LAMB4: variants seen among roughly 807,000 people sequenced by gnomAD.
LAMB4 encodes the protein laminin subunit beta 4, also known as laminin subunit beta-4.
A neutral mutation model predicts 199.2 loss-of-function variants in LAMB4; 196 were observed. The observed-to-expected ratio is 0.98, with a 90% CI of 0.88 to 1.11. The LOEUF is 1.11. Ranked by LOEUF, LAMB4 falls within the 50% of genes least tolerant of loss-of-function variation. LAMB4 has a pLI of 0.00. For synonymous variants in LAMB4, 744 were observed against 770.6 expected (o/e 0.97, Z 0.57); for missense variants, 2,080 against 2,171.2 (o/e 0.96, Z 0.83).
In LAMB4 at chr7:108,085,626, T is replaced by A. The variant is rs1050612440; in HGVS notation, c.1702-5840A>T. Among the ~76,000 whole-genome samples the A allele has an allele frequency of 6.6e-5, 10 of 152,242 alleles. No homozygotes were observed. The South Asian group carries it at 1.0e-3, about 16-fold the overall frequency. On this transcript the variant is annotated intron_variant, in intron 14 of 33. Coordinates refer to ENST00000388781, the MANE Select transcript of LAMB4 (RefSeq NM_007356.3). ...TTTATTTTTATGTATTTATTTATTTTTTTTTGAGATGGAGTCTCGCTCTGT... is the reference window on the plus strand; with the variant it reads ...TTTATTTTTATGTATTTATTTATTTATTTTTGAGATGGAGTCTCGCTCTGT...
At chr7:108,078,163 A>G (rs1458393715) in intron 16 of LAMB4, 38 bp downstream of exon 16, 1 of 1,343,342 alleles carries the variant, frequency 7.4e-7, no homozygotes, top group African/African-American at 1.4e-5. Flanking sequence ...CAAAATTCTA[A>G]GAAGCTTTCA....
intron 8 of LAMB4, among the ~76,000 whole-genome samples, 198 bp from the exon 9 acceptor site, chr7:108,104,817 C>G (rs975957566): frequency 6.6e-6 from 1 of 152,002 alleles, no homozygotes; most frequent in Non-Finnish European, 1.5e-5. Context: ...TTTAAAAGTT[C>G]AGTGAACTTC....
chr7:108,125,203 T>G (rs1169135959), intron 1 of LAMB4, among the ~76,000 whole-genome samples: 2 of 152,306 alleles, frequency 1.3e-5, no homozygotes, highest in Admixed American at 6.5e-5. Flanking sequence ...AGGTCCATTC[T>G]GTATAGGCCA....
chr7:108,100,019 T>C (rs2037762679), intron 10 of LAMB4, among the ~76,000 whole-genome samples: 1 of 152,294 alleles, frequency 6.6e-6, no homozygotes, highest in East Asian at 1.9e-4. Flanking sequence ...TTCATCTTAA[T>C]AGTGGCCAAA....
intron 8 of LAMB4, 50 bp from the exon 9 acceptor site, chr7:108,104,669 C>T (rs573854804): frequency 2.5e-5 from 40 of 1,586,752 alleles, no homozygotes; most frequent in East Asian, 9.1e-5. Flanking sequence ...TCCTTGGGGA[C>T]GTTGGGGTTC....
At position 108,063,929 on chromosome 7, in the gene LAMB4, C is replaced by A; in HGVS notation, c.2893G>T (p.Ala965Ser). ...GFYGNPRISGAPCQPCACNNN... is the reference protein window; with the variant it reads ...GFYGNPRISGSPCQPCACNNN... Reference sequence around the variant, plus strand: ...TTGCAGGCACATGGTTGGCAAGGTGCTCCTGAAATTCTTGGATTTCCATAG... The same window carrying A: ...TTGCAGGCACATGGTTGGCAAGGTGATCCTGAAATTCTTGGATTTCCATAG... The change falls in exon 22 of 34, where the codon GCA (alanine) becomes TCA (serine). Residue 965 changes from alanine (A) to serine (S), a missense_variant. Coordinates refer to ENST00000388781, the MANE Select transcript of LAMB4 (RefSeq NM_007356.3). The A allele has an allele frequency of 6.2e-7, 1 of 1,614,142 alleles. No homozygotes were observed. Among genetic ancestry groups the A allele is most frequent in the Non-Finnish European group, 8.5e-7 (1 of 1,180,024 alleles).
the LAMB4 span, among the ~76,000 whole-genome samples, chr7:108,016,275 ATTTTTTTT>A: frequency 2.2e-4 from 22 of 97,834 alleles, no homozygotes; most frequent in African/African-American, 8.7e-4. Context: ...GCATTTTGGA[ATTTTTTTT>A]TTTTTTTTTT....
chr7:108,125,216 C>G (rs965063595), intron 1 of LAMB4, among the ~76,000 whole-genome samples: 1 of 152,074 alleles, frequency 6.6e-6, no homozygotes, highest in Non-Finnish European at 1.5e-5. Flanking sequence ...ATAGGCCACC[C>G]GAACCTGCAC....
intron 11 of LAMB4, among the ~76,000 whole-genome samples, chr7:108,095,628 C>T (rs1002321941): frequency 7.2e-5 from 11 of 152,276 alleles, no homozygotes; most frequent in African/African-American, 2.6e-4. Flanking sequence ...CACAGTAACC[C>T]TAAGTGATGC....
intron 10 of LAMB4, among the ~76,000 whole-genome samples, chr7:108,102,786 A>G (rs2037859128): frequency 6.6e-6 from 1 of 152,190 alleles, no homozygotes; most frequent in Admixed American, 6.5e-5. Context: ...GCAGGCTTCC[A>G]TGATACTCAA....
chr7:108,096,887 G>A (rs184720823), intron 11 of LAMB4, among the ~76,000 whole-genome samples: 131 of 125,318 alleles, frequency 1.0e-3, no homozygotes, highest in Middle Eastern at 6.1e-3. Flanking sequence ...AGTGAGCTAT[G>A]ATTGTGCCAC....
At chr7:108,069,236 T>A (rs2150560279) in intron 18 of LAMB4, among the ~76,000 whole-genome samples, 1 of 152,294 alleles carries the variant, frequency 6.6e-6, no homozygotes, top group East Asian at 1.9e-4. Context: ...CGGTATAGGA[T>A]CTGCAGGGCT....
chr7:108,116,797 C>CTGAGGTGGGAGAAGTGCG lies in LAMB4; in HGVS notation c.35-654_35-637dup, dbSNP rs1197590957. Among the ~76,000 whole-genome samples, 4 of 152,258 alleles carry CTGAGGTGGGAGAAGTGCG rather than the reference C, an allele frequency of 2.6e-5. No individual in the cohort carries two copies. The South Asian group carries it at 6.2e-4, about 24-fold the overall frequency. The stretch of plus-strand genomic sequence containing the variant: ...CCTGTACATCTCAGCACTTGGGAGA[C>CTGAGGTGGGAGAAGTGCG]TGAGGTGGGAGAAGTGCGTGAGGCC... On this transcript the variant is annotated intron_variant, in intron 2 of 33. Transcript: ENST00000388781.
intron 14 of LAMB4, among the ~76,000 whole-genome samples, chr7:108,081,505 G>A (rs2036940647): frequency 6.6e-6 from 1 of 152,106 alleles, no homozygotes; most frequent in Non-Finnish European, 1.5e-5. Flanking sequence ...TATTCCTGAA[G>A]AACATTTCCT....
chr7:108,035,212 T>C (rs957204488), intron 30 of LAMB4, among the ~76,000 whole-genome samples: 1 of 152,086 alleles, frequency 6.6e-6, no homozygotes, highest in Non-Finnish European at 1.5e-5. Flanking sequence ...CACCATTATC[T>C]TTTTCTTATA....
chr7:108,077,156 A>G, intron 16 of LAMB4, 92 bp from the exon 17 acceptor site: 2 of 1,333,320 alleles, frequency 1.5e-6, no homozygotes, highest in South Asian at 2.6e-5. Flanking sequence ...TTGCACTTGT[A>G]CTGGGCAGTG....
intron 1 of LAMB4, among the ~76,000 whole-genome samples, chr7:108,128,279 A>G (rs2038864390): frequency 6.6e-6 from 1 of 152,132 alleles, no homozygotes; most frequent in African/African-American, 2.4e-5. Context: ...CGCTGACTCC[A>G]AGTCCCTTCT....
chr7:108,022,924 T>A (rs2034721811), downstream of LAMB4, among the ~76,000 whole-genome samples: 1 of 152,178 alleles, frequency 6.6e-6, no homozygotes, highest in Non-Finnish European at 1.5e-5. Flanking sequence ...GCTATTCTCC[T>A]ACCTCAGCCT....
Position 108,049,394 on chromosome 7 carries a change from T to C in LAMB4, c.4054A>G (p.Lys1352Glu), listed in dbSNP as rs1213253073. Residue 1352 changes from lysine to glutamate, a missense_variant, in exon 27 of 34, where the codon AAA becomes GAA. By Grantham distance (56) the Lys-to-Glu change is moderately conservative. Coordinates refer to ENST00000388781, the MANE Select transcript of LAMB4 (RefSeq NM_007356.3). ...LLTILDTLTS[K>E]GNLSLERLKQ... is the part of the protein sequence containing the mutation. ...AATCTTTCCAATGACAAGTTTCCTT[T>C]TGAGGTTAGTGTATCTAAGATGGTA... 1 of 1,593,790 alleles carries C rather than the reference T, an allele frequency of 6.3e-7. No individual in the cohort carries two copies. Among genetic ancestry groups the C allele is most frequent in the Admixed American group, 1.7e-5 (1 of 59,938 alleles).
Sources: allele counts gnomAD v4.1 joint callset (sites outside exome capture counted in the v4.1 genomes callset), GRCh38; gene constraint gnomAD v4.1.1; transcripts MANE v1.5; gene names NCBI Gene and HGNC (gene_info 2026-07-23, HGNC 2026-07-21).